PRKAG2: variants seen among roughly 807,000 people sequenced by gnomAD.
The protein encoded by PRKAG2 is protein kinase AMP-activated non-catalytic subunit gamma 2, also known as 5'-AMP-activated protein kinase subunit gamma-2.
A neutral mutation model predicts 69.6 loss-of-function variants in PRKAG2; 26 were observed. The ratio of observed to expected loss-of-function variants is 0.37; its 90% CI spans 0.27 to 0.52. PRKAG2 has a LOEUF of 0.52. PRKAG2 is among the 20% of genes least tolerant of loss of function. The pLI, the probability that PRKAG2 is intolerant of heterozygous loss-of-function variation, is 0.90. For missense variants in PRKAG2, 557 were observed against 740.0 expected (o/e 0.75, Z 2.87); for synonymous variants, 293 against 285.0 (o/e 1.03, Z -0.28).
chr7:151,782,478 C>T (rs1195209139), intron 2 of PRKAG2, among the ~76,000 whole-genome samples: 8 of 152,138 alleles, frequency 5.3e-5, no homozygotes, highest in Admixed American at 5.2e-4. Context: ...CTGAGACTCA[C>T]TTCACCAATG....
chr7:151,846,267 A>C (rs1328264416), intron 1 of PRKAG2, among the ~76,000 whole-genome samples: 1 of 152,178 alleles, frequency 6.6e-6, no homozygotes, highest in Non-Finnish European at 1.5e-5. Context: ...CAGGAGTTCG[A>C]GACCAGTCTG....
At chr7:151,716,076 G>A (rs1392466985) in intron 3 of PRKAG2, among the ~76,000 whole-genome samples, 1 of 152,166 alleles carries the variant, frequency 6.6e-6, no homozygotes, top group East Asian at 1.9e-4. Flanking sequence ...GTTGAGCAGA[G>A]GACACACAGG....
intron 4 of PRKAG2, among the ~76,000 whole-genome samples, chr7:151,656,127 A>C (rs1469104612): frequency 2.6e-5 from 4 of 152,230 alleles, no homozygotes; most frequent in Non-Finnish European, 4.4e-5. Flanking sequence ...TTTAAAAATT[A>C]TAAGTACATA....
At position 151,589,813 on chromosome 7, in the gene PRKAG2, T is replaced by C. The variant is rs533411595; in HGVS notation, c.864+5532A>G. Among the ~76,000 whole-genome samples, 22 of 152,290 alleles carry C rather than the reference T, an allele frequency of 1.4e-4. 1 individual carries two copies. In the South Asian group the frequency reaches 4.6e-3, roughly 32 times the overall value. On this transcript the variant is annotated intron_variant, in intron 6 of 15. Coordinates refer to ENST00000287878, the MANE Select transcript of PRKAG2 (RefSeq NM_016203.4). ...AGCCAGGTGTGGTAGTGGGTGCCTG[T>C]AATCCCAGCTACTCAGGTGGGTGAG... is the stretch of plus-strand genomic sequence containing the variant.
At chr7:151,560,445 G>A (rs1465065059) in intron 15 of PRKAG2, 79 bp downstream of exon 15, 1 of 1,612,126 alleles carries the variant, frequency 6.2e-7, no homozygotes, top group Non-Finnish European at 8.5e-7. Flanking sequence ...GAGAAATGAT[G>A]GTTTAAATGC....
intron 5 of PRKAG2, among the ~76,000 whole-genome samples, chr7:151,618,530 C>T (rs150032155): frequency 3.3e-5 from 5 of 151,940 alleles, no homozygotes; most frequent in African/African-American, 1.2e-4. Flanking sequence ...TTTGGGAGGC[C>T]GAAGCAGGTG....
intron 4 of PRKAG2, among the ~76,000 whole-genome samples, chr7:151,651,902 G>T (rs1224154695): frequency 6.6e-6 from 1 of 152,192 alleles, no homozygotes; most frequent in Non-Finnish European, 1.5e-5. Context: ...ACTGGGGCTG[G>T]GGTTGGATGG....
chr7:151,781,784 A>G lies in PRKAG2; in HGVS notation c.187-353T>C, dbSNP rs1244709489. On this transcript the variant is annotated intron_variant, in intron 2 of 15. Transcript: ENST00000287878. This position sits in a 1 kb window ranked among gnomAD's most constrained non-coding sequence, Gnocchi z 6.1. ...GGCCTGCCTGCCTTCACCTCTCAAG[A>G]CCTCACGTCCATCCAAGTTCTGACC... Among the ~76,000 whole-genome samples, 1 of 151,900 alleles carries G rather than the reference A, an allele frequency of 6.6e-6. No homozygotes were observed. Among genetic ancestry groups the G allele is most frequent in the Non-Finnish European group, 1.5e-5 (1 of 67,968 alleles).
intron 1 of PRKAG2, among the ~76,000 whole-genome samples, chr7:151,832,277 AAGGAAG>A (rs2079051168): frequency 7.0e-6 from 1 of 143,164 alleles, no homozygotes; most frequent in African/African-American, 2.7e-5. Context: ...GGGAGGAGGG[AAGGAAG>A]GGAGGAGGGA....
chr7:151,632,697 T>C lies in PRKAG2; in HGVS notation c.685-559A>G, dbSNP rs1170221979. Reference sequence around the variant, plus strand: ...GGGGCGCCAGCTAGGGGATCCTTTCTCGCTTTCCTCTTCCCTTTCCAAATT... The same window carrying C: ...GGGGCGCCAGCTAGGGGATCCTTTCCCGCTTTCCTCTTCCCTTTCCAAATT... On this transcript the variant is annotated intron_variant, in intron 4 of 15. Transcript: ENST00000287878. This position sits in a 1 kb window ranked among gnomAD's most constrained non-coding sequence, Gnocchi z 4.2. The C allele has an allele frequency of 1.2e-5, 9 of 732,836 alleles. No individual in the cohort carries two copies. The highest frequency in any genetic ancestry group is 1.5e-5 in the Non-Finnish European group (9 of 598,942). 45.4% of individuals were successfully genotyped at this position (732,836 alleles called of 1,614,324 possible). A position where few individuals can be genotyped will look rare whatever the true frequency, so the allele number is the denominator to read the frequency against.
chr7:151,795,546 G>A (rs1029077238), intron 1 of PRKAG2, among the ~76,000 whole-genome samples: 1 of 152,138 alleles, frequency 6.6e-6, no homozygotes, highest in Admixed American at 6.5e-5. Context: ...TCAGCCTGGC[G>A]AGGCCATAGC....
At chr7:151,726,351 C>T (rs912122215) in intron 3 of PRKAG2, among the ~76,000 whole-genome samples, 34 of 150,336 alleles carry the variant, frequency 2.3e-4, no homozygotes, top group Non-Finnish European at 1.0e-4. Flanking sequence ...CACCTGCTTA[C>T]AGAATCACCA....
intron 3 of PRKAG2, among the ~76,000 whole-genome samples, chr7:151,761,771 ACATTGGTGCTGC>A (rs1713208589): frequency 6.6e-6 from 1 of 152,194 alleles, no homozygotes; most frequent in African/African-American, 2.4e-5. Context: ...TCGGGCAATG[ACATTGGTGCTGC>A]CAACTGCGTG....
intron 1 of PRKAG2, among the ~76,000 whole-genome samples, chr7:151,825,623 T>C (rs559016372): frequency 6.6e-6 from 1 of 152,316 alleles, no homozygotes; most frequent in African/African-American, 2.4e-5. Context: ...AAGAATACAT[T>C]TGAAGCCTGT....
intron 4 of PRKAG2, among the ~76,000 whole-genome samples, chr7:151,672,686 G>A (rs966758370): frequency 2.0e-5 from 3 of 152,144 alleles, no homozygotes; most frequent in Non-Finnish European, 2.9e-5. Flanking sequence ...GGGCCCCTCC[G>A]TGTCACTCCC....
At chr7:151,696,787 A>G (rs1836754637) in intron 3 of PRKAG2, among the ~76,000 whole-genome samples, 1 of 152,238 alleles carries the variant, frequency 6.6e-6, no homozygotes, top group African/African-American at 2.4e-5. Flanking sequence ...AGAGGCCTGA[A>G]AAGGGGCAGC....
intron 3 of PRKAG2, among the ~76,000 whole-genome samples, chr7:151,693,772 G>A (rs2151538549): frequency 6.6e-6 from 1 of 152,292 alleles, no homozygotes; most frequent in East Asian, 1.9e-4. Context: ...ACCATGTGAG[G>A]ACGCAGCCAG....
chr7:151,573,229 C>T (rs1017255847), intron 8 of PRKAG2, among the ~76,000 whole-genome samples: 3 of 150,668 alleles, frequency 2.0e-5, no homozygotes, highest in Non-Finnish European at 4.4e-5. Context: ...GCGATCATGA[C>T]TCACTGCAGC....
At chr7:151,802,106 T>C (rs2077870254) in intron 1 of PRKAG2, among the ~76,000 whole-genome samples, 1 of 151,954 alleles carries the variant, frequency 6.6e-6, no homozygotes, top group African/African-American at 2.4e-5. Context: ...GTCAGAAGGG[T>C]TTGGGATCTT....
Sources: allele counts gnomAD v4.1 joint callset (sites outside exome capture counted in the v4.1 genomes callset), GRCh38; gene constraint gnomAD v4.1.1; non-coding constraint Gnocchi (gnomAD v3.1); transcripts MANE v1.5; gene names NCBI Gene and HGNC (gene_info 2026-07-23, HGNC 2026-07-21).